The following RIMS1 variants were observed in gnomAD, a reference collection of about 807,000 sequenced individuals.
The protein encoded by RIMS1 is regulating synaptic membrane exocytosis protein 1.
A neutral mutation model predicts 214.1 loss-of-function variants in RIMS1; 83 were observed. That is an observed-to-expected ratio of 0.39 (90% confidence interval 0.32 to 0.47). RIMS1 has a LOEUF of 0.47. Among genes scored for constraint, RIMS1 ranks in the 20% least tolerant of loss-of-function variants. The pLI, the probability that RIMS1 is intolerant of heterozygous loss-of-function variation, is 0.99. For synonymous variants in RIMS1, 793 were observed against 786.8 expected, an observed-to-expected ratio of 1.01 and a Z score of -0.13; for missense variants, 2,050 against 2,161.8, an observed-to-expected ratio of 0.95 and a Z score of 1.03.
chr6:71,966,145 A>T (rs1039208718), intron 1 of RIMS1, among the ~76,000 whole-genome samples: 3 of 152,206 alleles, frequency 2.0e-5, no homozygotes, highest in Non-Finnish European at 2.9e-5. Context: ...GAAGCCCCCG[A>T]AATTGGGTAA....
At chr6:71,914,510 T>C (rs1447515085) in intron 1 of RIMS1, among the ~76,000 whole-genome samples, 4 of 152,186 alleles carry the variant, frequency 2.6e-5, no homozygotes, top group African/African-American at 9.6e-5. Flanking sequence ...ATTAAATATC[T>C]AATTTTAATG....
chr6:71,954,671 T>C (rs908205786), intron 1 of RIMS1, among the ~76,000 whole-genome samples: 4 of 151,994 alleles, frequency 2.6e-5, no homozygotes, highest in African/African-American at 9.7e-5. Flanking sequence ...AATTTTGACG[T>C]TTTTTAGTCT....
intron 1 of RIMS1, among the ~76,000 whole-genome samples, chr6:71,898,922 AT>A (rs1297218250): frequency 2.0e-5 from 3 of 151,698 alleles, no homozygotes; most frequent in Non-Finnish European, 4.4e-5. Flanking sequence ...CAAACATTTA[AT>A]TTTTTTCATT....
At chr6:72,263,671 G>A in intron 19 of RIMS1, 6 of 985,300 alleles carry the variant, frequency 6.1e-6, no homozygotes, top group Non-Finnish European at 6.0e-6. Flanking sequence ...TAGAAAGGAG[G>A]CTAAATCCTT....
At chr6:71,926,262 T>G (rs1412720670) in intron 1 of RIMS1, among the ~76,000 whole-genome samples, 3 of 152,224 alleles carry the variant, frequency 2.0e-5, no homozygotes, top group African/African-American at 7.2e-5. Context: ...TCACCAAAGA[T>G]TCTATTATAT....
At chr6:72,301,864 A>G (rs2094640744) in intron 26 of RIMS1, among the ~76,000 whole-genome samples, 2 of 151,644 alleles carry the variant, frequency 1.3e-5, no homozygotes, top group South Asian at 2.1e-4. Flanking sequence ...GGAAAATAAC[A>G]TGATAGAAAA....
At chr6:72,201,628 G>A (rs1189662572) in intron 6 of RIMS1, among the ~76,000 whole-genome samples, 1 of 152,152 alleles carries the variant, frequency 6.6e-6, no homozygotes, top group African/African-American at 2.4e-5. Context: ...TCTTGCCTTT[G>A]AAACCCTTTA....
intron 2 of RIMS1, among the ~76,000 whole-genome samples, chr6:72,035,574 T>A (rs1448232910): frequency 3.3e-5 from 5 of 152,164 alleles, no homozygotes; most frequent in African/African-American, 9.7e-5. Flanking sequence ...TTTTTAAGAT[T>A]AATTAGAAAA....
intron 4 of RIMS1, among the ~76,000 whole-genome samples, chr6:72,158,076 A>G (rs116865031): frequency 0.014 from 2,005 of 140,510 alleles, 403 homozygotes; most frequent in Non-Finnish European, 0.024. Context: ...TTTGTCATCA[A>G]TATTCATTTA....
rs749634875 is a variant in RIMS1, at chr6:71,887,076, C to G, written c.53C>G (p.Pro18Arg). The part of the protein sequence containing the change: ...RGPRPPTVPP[P>R]MQELPDLSHL... ...CCTCGCCCACCCACGGTGCCTCCCC[C>G]CATGCAAGAGCTGCCCGACCTGAGC... The change falls in exon 1 of 34, where the codon CCC becomes CGC. Residue 18 changes from proline to arginine, a missense_variant. Transcript: ENST00000521978. 5.0e-6 allele frequency: 8 copies of G among 1,613,490 alleles called. No homozygotes were observed. Among genetic ancestry groups the G allele is most frequent in the Non-Finnish European group, 6.8e-6 (8 of 1,179,744 alleles).
chr6:71,928,074 G>A (rs1782040880), intron 1 of RIMS1, among the ~76,000 whole-genome samples: 1 of 152,090 alleles, frequency 6.6e-6, no homozygotes, highest in Non-Finnish European at 1.5e-5. Context: ...ATATGTTAGT[G>A]TACGAATGAA....
intron 29 of RIMS1, among the ~76,000 whole-genome samples, chr6:72,358,473 G>A (rs2097717410): frequency 6.6e-6 from 1 of 152,060 alleles, no homozygotes; most frequent in African/African-American, 2.4e-5. Flanking sequence ...TTACTGGTTA[G>A]CAAAGACTGC....
chr6:72,393,120 G>A (rs1055508643), intron 31 of RIMS1, among the ~76,000 whole-genome samples: 2 of 147,100 alleles, frequency 1.4e-5, no homozygotes, highest in Non-Finnish European at 1.5e-5. Context: ...GTAAAGTATA[G>A]TAACATAACT....
intron 1 of RIMS1, among the ~76,000 whole-genome samples, chr6:71,896,753 C>T (rs1771927172): frequency 6.6e-6 from 1 of 152,072 alleles, no homozygotes; most frequent in South Asian, 2.1e-4. Context: ...TTCTATAATT[C>T]CATATCCTTT....
chr6:72,268,065 A>T (rs1231028996), intron 22 of RIMS1, among the ~76,000 whole-genome samples: 1 of 152,200 alleles, frequency 6.6e-6, no homozygotes, highest in Non-Finnish European at 1.5e-5. Flanking sequence ...CAATTATTTT[A>T]TGTAATGTAA....
chr6:71,937,467 G>A (rs942813350), intron 1 of RIMS1, among the ~76,000 whole-genome samples: 6 of 152,064 alleles, frequency 3.9e-5, no homozygotes, highest in Non-Finnish European at 8.8e-5. Flanking sequence ...TTCCCAGGCT[G>A]GTTTCAAACT....
At chr6:72,084,106 A>C (rs903600834) in intron 2 of RIMS1, among the ~76,000 whole-genome samples, 7 of 152,176 alleles carry the variant, frequency 4.6e-5, no homozygotes, top group Non-Finnish European at 1.0e-4. Flanking sequence ...GCTTGCTCAT[A>C]TGTGTAGACA....
Position 72,159,856 on chromosome 6 carries a change from T to C in RIMS1, c.472-19719T>C, listed in dbSNP as rs1479421021. ...CCAGCTTTGTTCTTTTGGCTAAGGA[T>C]TGACTTGGCAATGCGGGCTCTTTTT... On this transcript the variant is annotated intron_variant, in intron 4 of 33. Coordinates refer to ENST00000521978, the MANE Select transcript of RIMS1 (RefSeq NM_014989.7). Among the ~76,000 whole-genome samples, 10 of 140,262 alleles carry C rather than the reference T, an allele frequency of 7.1e-5. 2 individuals carry two copies. The highest frequency in any genetic ancestry group is 1.3e-4 in the Non-Finnish European group (8 of 61,818). 92.0% of individuals were successfully genotyped at this position (140,262 alleles called of 152,430 possible). A position where few individuals can be genotyped will look rare whatever the true frequency, so the allele number is the denominator to read the frequency against.
intron 6 of RIMS1, among the ~76,000 whole-genome samples, chr6:72,223,959 A>T (rs542909487): frequency 3.6e-4 from 54 of 151,694 alleles, no homozygotes; most frequent in African/African-American, 1.3e-3. Flanking sequence ...AAAAAAAAAA[A>T]AAAAAAGCCA....
Sources: gnomAD v4.1 joint callset for allele counts (sites outside exome capture counted in the v4.1 genomes callset) on GRCh38, gnomAD v4.1.1 for gene constraint, MANE v1.5 for transcripts, NCBI Gene and HGNC (gene_info 2026-07-23, HGNC 2026-07-21) for gene names.